The following LHFPL3 variants were observed in gnomAD, a reference collection of about 807,000 sequenced individuals.
The protein encoded by LHFPL3 is LHFPL tetraspan subfamily member 3 protein.
A neutral mutation model predicts 19.3 loss-of-function variants in LHFPL3; 5 were observed. That is an observed-to-expected ratio of 0.26 (90% CI 0.14 to 0.54). The LOEUF is 0.54. Ranked by LOEUF, LHFPL3 falls within the 20% of genes least tolerant of loss-of-function variation. The pLI is 0.94. For synonymous variants in LHFPL3, 133 were observed against 126.2 expected (o/e 1.05, Z -0.36); for missense variants, 249 against 307.4 (o/e 0.81, Z 1.42).
At chr7:104,852,451 G>A (rs1229758023) in intron 2 of LHFPL3, among the ~76,000 whole-genome samples, 2 of 152,238 alleles carry the variant, frequency 1.3e-5, no homozygotes, top group South Asian at 4.1e-4. Flanking sequence ...GAAGGCTTTT[G>A]TCCAGAGAGC....
At chr7:104,845,859 C>G (rs1791303489) in intron 2 of LHFPL3, among the ~76,000 whole-genome samples, 1 of 152,198 alleles carries the variant, frequency 6.6e-6, no homozygotes, top group Non-Finnish European at 1.5e-5. Context: ...GGGCCACCAC[C>G]CTTTGGTGGA....
intron 1 of LHFPL3, among the ~76,000 whole-genome samples, chr7:104,516,524 G>C (rs927852055): frequency 2.0e-5 from 3 of 151,626 alleles, no homozygotes; most frequent in Non-Finnish European, 2.9e-5. Context: ...AATTTGATTG[G>C]TTGATTTAAT....
chr7:104,611,561 CAG>C (rs1383497436), intron 1 of LHFPL3, among the ~76,000 whole-genome samples: 12 of 152,020 alleles, frequency 7.9e-5, no homozygotes, highest in Non-Finnish European at 1.5e-5. Flanking sequence ...TAGCTCAACT[CAG>C]AAAGTTGGCA....
intron 2 of LHFPL3, among the ~76,000 whole-genome samples, chr7:104,807,069 C>G (rs1790375541): frequency 7.2e-6 from 1 of 138,672 alleles, no homozygotes; most frequent in East Asian, 2.0e-4. Flanking sequence ...GAGTCCTAAC[C>G]CCCTGTACCT....
At chr7:104,469,893 TAATATC>T in intron 1 of LHFPL3, 1 of 341,662 alleles carries the variant, frequency 2.9e-6, no homozygotes, top group South Asian at 2.5e-5. Context: ...ATATTAATAT[TAATATC>T]TATATCTAAC....
chr7:104,525,354 T>C (rs1014896899), intron 1 of LHFPL3, among the ~76,000 whole-genome samples: 1 of 152,078 alleles, frequency 6.6e-6, no homozygotes, highest in Non-Finnish European at 1.5e-5. Context: ...TCAAGGGGCC[T>C]CCTGAGTTTA....
chr7:104,789,295 G>A (rs2116442453), intron 2 of LHFPL3, among the ~76,000 whole-genome samples: 1 of 152,178 alleles, frequency 6.6e-6, no homozygotes. Flanking sequence ...ATAAGTACAT[G>A]GTGTTCTTGG....
chr7:104,723,971 T>A (rs1343145859), intron 1 of LHFPL3, among the ~76,000 whole-genome samples: 1 of 152,198 alleles, frequency 6.6e-6, no homozygotes, highest in Non-Finnish European at 1.5e-5. Flanking sequence ...TAATGTTTAC[T>A]ATTGTGATGG....
intron 1 of LHFPL3, among the ~76,000 whole-genome samples, chr7:104,338,194 G>T (rs1253085916): frequency 1.4e-5 from 2 of 146,336 alleles, no homozygotes; most frequent in South Asian, 2.2e-4. Context: ...CGCCTTCTGG[G>T]TTCACACCAT....
At chr7:104,577,896 C>T (rs1418767401) in intron 1 of LHFPL3, among the ~76,000 whole-genome samples, 2 of 152,174 alleles carry the variant, frequency 1.3e-5, no homozygotes, top group Non-Finnish European at 2.9e-5. Flanking sequence ...GTAATACAGA[C>T]TTTCTTTTCC....
chr7:104,340,874 G>C lies in LHFPL3; in HGVS notation c.445+11650G>C, dbSNP rs186689857. On this transcript the variant is annotated intron_variant, in intron 1 of 2. Coordinates refer to ENST00000424859, the MANE Select transcript of LHFPL3 (RefSeq NM_199000.3). ...TGTATTTTGGAAATCATTTTGAACT[G>C]TTTGATAACTGCAACTACACAAACT... Among the ~76,000 whole-genome samples the C allele has an allele frequency of 2.6e-5, 4 of 152,262 alleles. No individual in the cohort carries two copies. The East Asian group carries it at 5.8e-4, about 22-fold the overall frequency.
At chr7:104,709,911 C>T (rs1793268511) in intron 1 of LHFPL3, among the ~76,000 whole-genome samples, 1 of 151,772 alleles carries the variant, frequency 6.6e-6, no homozygotes. Context: ...CCTCACTTCC[C>T]AGACGGGGTG....
intron 1 of LHFPL3, among the ~76,000 whole-genome samples, chr7:104,523,964 T>C (rs1794132659): frequency 1.3e-5 from 2 of 152,336 alleles, no homozygotes; most frequent in Middle Eastern, 3.4e-3. Context: ...CTTCAGATGA[T>C]TCTGATGCCG....
intron 1 of LHFPL3, among the ~76,000 whole-genome samples, chr7:104,564,919 C>G (rs567906648): frequency 6.6e-6 from 1 of 152,282 alleles, no homozygotes; most frequent in African/African-American, 2.4e-5. Context: ...AGTTGTTGGC[C>G]ATGTGAATGT....
At chr7:104,656,114 C>T (rs566178120) in intron 1 of LHFPL3, among the ~76,000 whole-genome samples, 2 of 151,996 alleles carry the variant, frequency 1.3e-5, no homozygotes, top group African/African-American at 2.4e-5. Flanking sequence ...TATTACTGCT[C>T]CTAATTTTTT....
chr7:104,668,895 G>C, intron 1 of LHFPL3: 1 of 1,612,378 alleles, frequency 6.2e-7, no homozygotes, highest in Non-Finnish European at 8.5e-7. Context: ...AGGAACAAGA[G>C]AAGTTGCAGC....
chr7:104,444,640 T>C (rs989014161), intron 1 of LHFPL3, among the ~76,000 whole-genome samples: 7 of 152,212 alleles, frequency 4.6e-5, no homozygotes, highest in African/African-American at 1.4e-4. Flanking sequence ...AGAATCTAAC[T>C]ATAAGACACC....
At chr7:104,869,427 A>T (rs1378010250) in intron 2 of LHFPL3, among the ~76,000 whole-genome samples, 1 of 152,214 alleles carries the variant, frequency 6.6e-6, no homozygotes, top group South Asian at 2.1e-4. Context: ...AAAAGTGGAC[A>T]AAGGATATGA....
At chr7:104,528,459 T>C (rs992251956) in intron 1 of LHFPL3, among the ~76,000 whole-genome samples, 1 of 152,136 alleles carries the variant, frequency 6.6e-6, no homozygotes, top group African/African-American at 2.4e-5. Flanking sequence ...CCCAGGCAGA[T>C]AAGCAATTAA....
Sources: gnomAD v4.1 joint callset for allele counts (sites outside exome capture counted in the v4.1 genomes callset) on GRCh38, gnomAD v4.1.1 for gene constraint, MANE v1.5 for transcripts, NCBI Gene and HGNC (gene_info 2026-07-23, HGNC 2026-07-21) for gene names.